Variants in TMEM40 observed in about 807,000 individuals in gnomAD.
TMEM40 encodes transmembrane protein 40.
Under a neutral mutation model 40.8 loss-of-function variants are expected in TMEM40, and 34 were observed. That is an observed-to-expected ratio of 0.83 (90% CI 0.63 to 1.11). TMEM40 has a LOEUF of 1.11. Among genes scored for constraint, TMEM40 ranks in the 50% least tolerant of loss-of-function variants. The pLI, the probability that TMEM40 is intolerant of heterozygous loss-of-function variation, is 0.00. For missense variants in TMEM40, 296 were observed against 280.2 expected, an observed-to-expected ratio of 1.06 and a Z score of -0.40; for synonymous variants, 106 against 107.0, an observed-to-expected ratio of 0.99 and a Z score of 0.06.
chr3:12,738,836 G>T, intron 5 of TMEM40: 1 of 477,578 alleles, frequency 2.1e-6, no homozygotes, highest in Non-Finnish European at 3.8e-6. Flanking sequence ...AGAGAAGCCA[G>T]GTTTTCAGGT....
intron 1 of TMEM40, among the ~76,000 whole-genome samples, chr3:12,754,453 T>C (rs758238863): frequency 6.6e-6 from 1 of 152,238 alleles, no homozygotes; most frequent in Non-Finnish European, 1.5e-5. Context: ...AGTGCAAGCA[T>C]CTAGGTTGTT....
chr3:12,747,623 T>C (rs1041165644), intron 3 of TMEM40, among the ~76,000 whole-genome samples: 1 of 152,040 alleles, frequency 6.6e-6, no homozygotes, highest in Non-Finnish European at 1.5e-5. Context: ...CAGGATGTTA[T>C]TGGAGGCCAG....
chr3:12,763,159 C>CAAAAA (rs536186442), upstream of TMEM40, among the ~76,000 whole-genome samples: 1 of 56,208 alleles, frequency 1.8e-5, no homozygotes, highest in Non-Finnish European at 4.0e-5. Flanking sequence ...GACTCTGTCT[C>CAAAAA]AAAAAAAAAA....
chr3:12,752,942 T>C (rs1190505674), intron 1 of TMEM40, among the ~76,000 whole-genome samples: 1 of 152,162 alleles, frequency 6.6e-6, no homozygotes, highest in Non-Finnish European at 1.5e-5. Context: ...ACCCTGACAC[T>C]GGCACCAGGA....
In TMEM40 at chr3:12,757,424, G is replaced by A. The variant is rs151008846; in HGVS notation, c.-9+1767C>T. 5.7e-3 allele frequency among the ~76,000 whole-genome samples: 842 copies of A among 148,044 alleles called. 6 individuals are homozygous for A. The highest frequency in any genetic ancestry group is 0.019 in the African/African-American group (776 of 39,828). ...GCAGAGGTTGTGGTGAGCTGAGATC[G>A]CACCATTGCACTCCAGCCTGGGCAA... On this transcript the variant is annotated intron_variant, in intron 1 of 11. Transcript: ENST00000314124.
rs2061340122 is a variant in TMEM40 at position 12,736,669 on chromosome 3, G to T, written c.545-17C>A. 3 of 1,611,626 alleles carry T rather than the reference G, an allele frequency of 1.9e-6. No individual in the cohort carries two copies. In the Admixed American group the frequency reaches 5.0e-5, roughly 27 times the overall value. On this transcript the variant is annotated splice_polypyrimidine_tract_variant and intron_variant, in intron 9 of 11. Transcript: ENST00000314124. ...TGAACCAGTCTGGAAGGGCAGTGAG[G>T]GAGGGAATGGTCAGCCTCCAGGTCT...
rs193160218 is a variant in TMEM40 at position 12,757,326 on chromosome 3, G to C, written c.-9+1865C>G. ...CTCTTCTAAAAATACAAAATTAGCTGGGCATGGTGGCAGGTGCCTGTAATC... is the reference window on the plus strand; with the variant it reads ...CTCTTCTAAAAATACAAAATTAGCTCGGCATGGTGGCAGGTGCCTGTAATC... On this transcript the variant is annotated intron_variant, in intron 1 of 11. Transcript: ENST00000314124. Among the ~76,000 whole-genome samples the C allele has an allele frequency of 7.6e-4, 115 of 152,116 alleles. No individual in the cohort carries two copies. In the East Asian group the frequency reaches 8.7e-3, roughly 12 times the overall value.
chr3:12,737,789 G>T, intron 7 of TMEM40, 35 bp from the exon 8 acceptor site: 1 of 1,597,944 alleles, frequency 6.3e-7, no homozygotes, highest in East Asian at 2.2e-5. Flanking sequence ...ATTTAACTTT[G>T]ATGCAGGACG....
At chr3:12,741,707 C>T (rs2061383108) in intron 5 of TMEM40, among the ~76,000 whole-genome samples, 1 of 150,034 alleles carries the variant, frequency 6.7e-6, no homozygotes, top group Admixed American at 6.7e-5. Context: ...TGAAACCTTT[C>T]TTAAATTACT....
intron 5 of TMEM40, among the ~76,000 whole-genome samples, chr3:12,739,901 G>A (rs1318321226): frequency 6.6e-6 from 1 of 150,790 alleles, no homozygotes; most frequent in East Asian, 1.9e-4. Context: ...ATGACTCACT[G>A]CAGTCTCAAA....
chr3:12,748,896 AG>A (rs1197638927), intron 2 of TMEM40, 104 bp from the exon 3 acceptor site: 8 of 1,015,970 alleles, frequency 7.9e-6, no homozygotes, highest in Non-Finnish European at 1.2e-5. Flanking sequence ...AGAGCCAGGA[AG>A]GACTGGATTA....
At position 12,743,937 on chromosome 3, in the gene TMEM40, G is replaced by A. The variant is rs145273097; in HGVS notation, c.264C>T (p.Ser88=). The stretch of plus-strand genomic sequence containing the variant: ...TCCCGTGGGGGTATCCAGCCCCCAG[G>A]CTCCGTCGATGTTTTCCGGTTGCTC... ...QPRATGKHRR[S]LGAGYPHGNG... The change falls in exon 4 of 12, where the codon AGC becomes AGT. Residue 88 remains serine (S), a synonymous_variant. Transcript: ENST00000314124. 1.2e-6 allele frequency: 2 copies of A among 1,613,512 alleles called. No individual in the cohort carries two copies. Among genetic ancestry groups the A allele is most frequent in the East Asian group, 2.2e-5 (1 of 44,866 alleles).
intron 1 of TMEM40, among the ~76,000 whole-genome samples, chr3:12,768,488 C>G (rs1390793843): frequency 2.0e-5 from 3 of 152,124 alleles, no homozygotes; most frequent in African/African-American, 7.2e-5. Flanking sequence ...ACACAGAGTG[C>G]CGATTGGTGT....
At chr3:12,748,056 A>G (rs2061442989) in intron 3 of TMEM40, among the ~76,000 whole-genome samples, 1 of 152,228 alleles carries the variant, frequency 6.6e-6, no homozygotes, top group African/African-American at 2.4e-5. Context: ...GCTCATGAGC[A>G]TGATAAACCT....
chr3:12,749,463 G>A (rs930319904), intron 2 of TMEM40, among the ~76,000 whole-genome samples: 1 of 152,120 alleles, frequency 6.6e-6, no homozygotes, highest in African/African-American at 2.4e-5. Context: ...CCCATTCTGG[G>A]GTCACACAGG....
chr3:12,761,582 G>A (rs1296296239), upstream of TMEM40, among the ~76,000 whole-genome samples: 1 of 151,116 alleles, frequency 6.6e-6, no homozygotes, highest in Admixed American at 6.6e-5. Context: ...CTCCAACCAT[G>A]GCAACAGAGT....
intron 1 of TMEM40, among the ~76,000 whole-genome samples, chr3:12,755,223 CTCTCTCTCTCTCTT>C (rs1559533265): frequency 2.0e-4 from 17 of 85,774 alleles, no homozygotes; most frequent in African/African-American, 1.1e-3. Context: ...TTCTCTCTCT[CTCTCTCTCTCTCTT>C]TCTTTCTTTC....
rs1559533137 is a variant in TMEM40, at chr3:12,755,189, TCC to T, written c.-9+4000_-9+4001del. ...CTTTCTTTCTCTCTCTCTCCTTCCT[TCC>T]TTCCTTCCTTTCTTTCTTTCTTTCT... On this transcript the variant is annotated intron_variant, in intron 1 of 11. Coordinates refer to ENST00000314124, the MANE Select transcript of TMEM40 (RefSeq NM_018306.4). Among the ~76,000 whole-genome samples the T allele has an allele frequency of 6.3e-4, 55 of 87,942 alleles. 1 individual carries two copies. The highest frequency in any genetic ancestry group is 4.9e-3 in the African/African-American group (46 of 9,416). 57.7% of individuals were successfully genotyped at this position (87,942 alleles called of 152,430 possible). A position where few individuals can be genotyped will look rare whatever the true frequency, so the allele number is the denominator to read the frequency against.
chr3:12,749,240 G>T (rs1357289792), intron 2 of TMEM40, among the ~76,000 whole-genome samples: 1 of 152,030 alleles, frequency 6.6e-6, no homozygotes, highest in Non-Finnish European at 1.5e-5. Context: ...TAGCCAGGAT[G>T]GTCTCGATCT....
Sources: gnomAD v4.1 joint callset for allele counts (sites outside exome capture counted in the v4.1 genomes callset) on GRCh38, gnomAD v4.1.1 for gene constraint, MANE v1.5 for transcripts, NCBI Gene and HGNC (gene_info 2026-07-23, HGNC 2026-07-21) for gene names.